Variants in SLC14A2 observed in about 807,000 individuals in gnomAD.
The protein encoded by SLC14A2 is solute carrier family 14 member 2, also known as urea transporter 2.
In SLC14A2, 91 loss-of-function variants were observed where a neutral mutation model predicts 104.6. The ratio of observed to expected loss-of-function variants is 0.87; its 90% CI spans 0.73 to 1.04. The LOEUF is 1.04. SLC14A2 is among the 50% of genes least tolerant of loss of function. The probability of loss-of-function intolerance (pLI) is 0.00; values close to 1 mark genes in which losing one functional copy is unlikely to be tolerated. For synonymous variants in SLC14A2, 476 were observed against 466.4 expected (o/e 1.02, Z -0.27); for missense variants, 1,189 against 1,156.0 (o/e 1.03, Z -0.41).
intron 16 of SLC14A2, among the ~76,000 whole-genome samples, chr18:45,671,291 A>C (rs1273386137): frequency 6.6e-6 from 1 of 152,178 alleles, no homozygotes; most frequent in African/African-American, 2.4e-5. Context: ...CCACTCCACC[A>C]GTGTTCCAGG....
chr18:45,351,802 A>G (rs1390683381), intron 1 of SLC14A2, among the ~76,000 whole-genome samples: 2 of 152,220 alleles, frequency 1.3e-5, no homozygotes, highest in African/African-American at 4.8e-5. Context: ...GAAACAGAGG[A>G]CTACAAATCA....
chr18:45,546,680 G>T (rs1035409231), intron 2 of SLC14A2, among the ~76,000 whole-genome samples: 1 of 152,178 alleles, frequency 6.6e-6, no homozygotes, highest in Admixed American at 6.5e-5. Context: ...CTCACTAGTT[G>T]TTAACCTTGG....
At chr18:45,263,862 A>T (rs1390953584) in intron 1 of SLC14A2, among the ~76,000 whole-genome samples, 1 of 152,154 alleles carries the variant, frequency 6.6e-6, no homozygotes, top group Non-Finnish European at 1.5e-5. Context: ...ACAGCTGTGG[A>T]ATCAACCAGG....
At chr18:45,177,668 C>T in the SLC14A2 span, among the ~76,000 whole-genome samples, 1 of 152,178 alleles carries the variant, frequency 6.6e-6, no homozygotes, top group Admixed American at 6.6e-5. Flanking sequence ...CACTCCATTA[C>T]TCTTTCCCCT....
chr18:45,562,746 C>T (rs955649592), intron 2 of SLC14A2, among the ~76,000 whole-genome samples: 1 of 152,022 alleles, frequency 6.6e-6, no homozygotes, highest in African/African-American at 2.4e-5. Flanking sequence ...ATTAGGGATG[C>T]TGAGCTCTGG....
At chr18:45,461,300 T>G (rs1450002558) in intron 1 of SLC14A2, among the ~76,000 whole-genome samples, 1 of 152,176 alleles carries the variant, frequency 6.6e-6, no homozygotes, top group Non-Finnish European at 1.5e-5. Flanking sequence ...TCAGAGATAC[T>G]CCTTTGCATT....
intron 1 of SLC14A2, among the ~76,000 whole-genome samples, chr18:45,363,018 C>T (rs142262895): frequency 5.9e-5 from 9 of 152,266 alleles, no homozygotes; most frequent in South Asian, 2.1e-4. Flanking sequence ...TCTGCCTGCT[C>T]ATATCCATTC....
intron 2 of SLC14A2, among the ~76,000 whole-genome samples, chr18:45,501,090 C>T (rs185014939): frequency 1.3e-5 from 2 of 152,236 alleles, no homozygotes; most frequent in African/African-American, 4.8e-5. Context: ...CAACAGTGAC[C>T]TCTAGTATGT....
chr18:45,223,541 G>A (rs914076334), intron 1 of SLC14A2, among the ~76,000 whole-genome samples: 1 of 152,214 alleles, frequency 6.6e-6, no homozygotes, highest in African/African-American at 2.4e-5. Context: ...CTCTCAGACA[G>A]GGTCTTCTTT....
intron 1 of SLC14A2, among the ~76,000 whole-genome samples, chr18:45,480,494 G>T (rs1270676086): frequency 6.6e-6 from 1 of 152,190 alleles, no homozygotes; most frequent in Non-Finnish European, 1.5e-5. Flanking sequence ...GGAAAGGGAA[G>T]GCCCAAGGGA....
At position 45,299,226 on chromosome 18, in the gene SLC14A2, A is replaced by C. The variant is rs138953845; in HGVS notation, c.-125+86035A>C. 1.4e-4 allele frequency among the ~76,000 whole-genome samples: 22 copies of C among 152,334 alleles called. No homozygotes were observed. In the East Asian group the frequency reaches 4.3e-3, roughly 29 times the overall value. On this transcript the variant is annotated intron_variant, in intron 1 of 20. Transcript: ENST00000586448. ...GCCAAGCTGTCCCTGGTAAATGAGA[A>C]TCCCTTTCTTTTTAGAGAGTTCCAG...
At chr18:45,420,604 T>C (rs2086333498) in intron 1 of SLC14A2, among the ~76,000 whole-genome samples, 1 of 152,208 alleles carries the variant, frequency 6.6e-6, no homozygotes. Context: ...TGGTAAAGAA[T>C]TCCTTTAATC....
intron 1 of SLC14A2, among the ~76,000 whole-genome samples, chr18:45,467,822 G>A (rs766950150): frequency 3.3e-5 from 5 of 152,086 alleles, no homozygotes; most frequent in Non-Finnish European, 2.9e-5. Flanking sequence ...TACATATAAC[G>A]TAGAGAACAA....
intron 2 of SLC14A2, among the ~76,000 whole-genome samples, chr18:45,581,112 T>C (rs2044484888): frequency 6.6e-6 from 1 of 152,066 alleles, no homozygotes; most frequent in African/African-American, 2.4e-5. Context: ...CTTCTCTCAC[T>C]GTGAAGGGAG....
At chr18:45,369,024 T>C (rs975480087) in intron 1 of SLC14A2, among the ~76,000 whole-genome samples, 1 of 152,078 alleles carries the variant, frequency 6.6e-6, no homozygotes, top group African/African-American at 2.4e-5. Context: ...ATTGAATGAG[T>C]GTTTTCAACC....
At chr18:45,440,686 T>C (rs1332331755) in intron 1 of SLC14A2, among the ~76,000 whole-genome samples, 1 of 152,210 alleles carries the variant, frequency 6.6e-6, no homozygotes, top group African/African-American at 2.4e-5. Context: ...TTTGGAAAAC[T>C]GATCTCTCTC....
chr18:45,484,122 C>G (rs1193514734), intron 2 of SLC14A2, among the ~76,000 whole-genome samples: 2 of 152,170 alleles, frequency 1.3e-5, no homozygotes, highest in African/African-American at 2.4e-5. Flanking sequence ...GGTTCAGAAA[C>G]CCACCTGCCA....
chr18:45,433,434 A>G (rs1464458568), intron 1 of SLC14A2, among the ~76,000 whole-genome samples: 1 of 152,174 alleles, frequency 6.6e-6, no homozygotes, highest in African/African-American at 2.4e-5. Context: ...CATACGTGAG[A>G]GGTATCTCAA....
At position 45,655,691 on chromosome 18, in the gene SLC14A2, A is replaced by G. The variant is rs559250337; in HGVS notation, c.1352-8094A>G. Among the ~76,000 whole-genome samples, 9 of 152,372 alleles carry G rather than the reference A, an allele frequency of 5.9e-5. No homozygotes were observed. The South Asian group carries it at 1.9e-3, about 32-fold the overall frequency. On this transcript the variant is annotated intron_variant, in intron 10 of 19. Coordinates refer to ENST00000255226, the MANE Select transcript of SLC14A2 (RefSeq NM_007163.4). ...AGAAGAGCATGTGGAGAAAGAGAGT[A>G]TGAAAGAGAAGCCAGTATACAATTG...
Sources: gnomAD v4.1 joint callset for allele counts (sites outside exome capture counted in the v4.1 genomes callset) on GRCh38, gnomAD v4.1.1 for gene constraint, MANE v1.5 for transcripts, NCBI Gene and HGNC (gene_info 2026-07-23, HGNC 2026-07-21) for gene names.